PIK3C2G: variants seen among roughly 807,000 people sequenced by gnomAD.
PIK3C2G encodes phosphatidylinositol 3-kinase C2 domain-containing subunit gamma.
In PIK3C2G, 168 loss-of-function variants were observed where a neutral mutation model predicts 181.1. That is an observed-to-expected ratio of 0.93 (90% CI 0.82 to 1.05). PIK3C2G has a LOEUF of 1.05. Ranked by LOEUF, PIK3C2G falls within the 50% of genes least tolerant of loss-of-function variation. PIK3C2G has a pLI of 0.00. For missense variants in PIK3C2G, 1,869 were observed against 1,732.8 expected, an observed-to-expected ratio of 1.08 and a Z score of -1.40; for synonymous variants, 573 against 592.2, an observed-to-expected ratio of 0.97 and a Z score of 0.47.
At chr12:18,417,990 AG>A (rs1431085535) in intron 16 of PIK3C2G, among the ~76,000 whole-genome samples, 1 of 152,224 alleles carries the variant, frequency 6.6e-6, no homozygotes, top group Non-Finnish European at 1.5e-5. Context: ...AAAACACAGA[AG>A]GAAATAAAAT....
chr12:18,347,318 G>A (rs545219285), intron 11 of PIK3C2G, among the ~76,000 whole-genome samples: 56 of 152,154 alleles, frequency 3.7e-4, no homozygotes, highest in Non-Finnish European at 5.9e-4. Context: ...AATTATTTGC[G>A]TTTCAATAGA....
chr12:18,613,374 T>C (rs1948440497), intron 31 of PIK3C2G, among the ~76,000 whole-genome samples: 1 of 152,114 alleles, frequency 6.6e-6, no homozygotes, highest in Non-Finnish European at 1.5e-5. Context: ...AGGTGGTACC[T>C]TCAATCCTTT....
At chr12:18,315,099 G>C (rs1950803245) in intron 6 of PIK3C2G, among the ~76,000 whole-genome samples, 1 of 152,024 alleles carries the variant, frequency 6.6e-6, no homozygotes, top group Non-Finnish European at 1.5e-5. Context: ...CTCTCACCCT[G>C]TCATTTATAT....
intron 30 of PIK3C2G, among the ~76,000 whole-genome samples, chr12:18,595,816 A>C (rs1184181099): frequency 6.6e-6 from 1 of 152,130 alleles, no homozygotes. Flanking sequence ...TTTATTTTGC[A>C]CTGAGCCCCA....
chr12:18,636,958 T>C (rs2136768883), intron 31 of PIK3C2G, among the ~76,000 whole-genome samples: 1 of 152,200 alleles, frequency 6.6e-6, no homozygotes, highest in East Asian at 1.9e-4. Flanking sequence ...CTATTGCAAT[T>C]ATTCCTTCCA....
intron 31 of PIK3C2G, among the ~76,000 whole-genome samples, chr12:18,613,420 G>GA (rs1167357835): frequency 1.3e-5 from 2 of 152,086 alleles, no homozygotes; most frequent in African/African-American, 4.8e-5. Context: ...GTTTCTATAT[G>GA]AAAATTAACA....
chr12:18,524,245 C>G (rs1429448256), intron 24 of PIK3C2G, among the ~76,000 whole-genome samples: 1 of 152,200 alleles, frequency 6.6e-6, no homozygotes, highest in East Asian at 1.9e-4. Context: ...GGGAAATTAT[C>G]TGTGGATGAT....
At chr12:18,577,596 C>A (rs1411247939) in intron 29 of PIK3C2G, among the ~76,000 whole-genome samples, 1 of 152,084 alleles carries the variant, frequency 6.6e-6, no homozygotes, top group Non-Finnish European at 1.5e-5. Context: ...TAAAAATACT[C>A]CAAGTGAGAA....
chr12:18,540,343 T>G (rs1008588395), intron 25 of PIK3C2G, among the ~76,000 whole-genome samples: 1 of 151,888 alleles, frequency 6.6e-6, no homozygotes, highest in Non-Finnish European at 1.5e-5. Flanking sequence ...TCCAGATATT[T>G]CAAAAATAAA....
At chr12:18,322,358 G>A (rs1301944171) in intron 7 of PIK3C2G, among the ~76,000 whole-genome samples, 1 of 149,862 alleles carries the variant, frequency 6.7e-6, no homozygotes, top group Non-Finnish European at 1.5e-5. Flanking sequence ...CTCCAGCTTG[G>A]GTAACAGAGT....
chr12:18,357,025 A>G (rs967825946), intron 11 of PIK3C2G, among the ~76,000 whole-genome samples: 2 of 152,082 alleles, frequency 1.3e-5, no homozygotes, highest in African/African-American at 4.8e-5. Context: ...TGTCTGTATC[A>G]ATACCAAACT....
intron 18 of PIK3C2G, among the ~76,000 whole-genome samples, chr12:18,465,315 G>A (rs768707289): frequency 6.6e-6 from 1 of 151,824 alleles, no homozygotes; most frequent in Non-Finnish European, 1.5e-5. Flanking sequence ...ATTGGTGTTA[G>A]GTATCAGAGT....
intron 18 of PIK3C2G, among the ~76,000 whole-genome samples, chr12:18,461,099 G>T (rs1056759134): frequency 4.6e-5 from 7 of 151,750 alleles, no homozygotes; most frequent in African/African-American, 1.5e-4. Flanking sequence ...TAATCTGCGT[G>T]GTATTTTATA....
chr12:18,549,219 CT>C (rs1944600934), intron 26 of PIK3C2G, among the ~76,000 whole-genome samples: 1 of 151,934 alleles, frequency 6.6e-6, no homozygotes, highest in African/African-American at 2.4e-5. Flanking sequence ...TACATACTGT[CT>C]TGTATATCAG....
rs549140717 is a variant in PIK3C2G, at chr12:18,616,530, C to T, written c.4182+6901C>T. Among the ~76,000 whole-genome samples the T allele has an allele frequency of 5.3e-5, 8 of 152,054 alleles. 1 individual carries two copies. Among genetic ancestry groups the T allele is most frequent in the Non-Finnish European group, 1.2e-4 (8 of 67,972 alleles). On this transcript the variant is annotated intron_variant, in intron 31 of 32. Transcript: ENST00000538779. ...GTCTCACTTAAAAATAAAGTGAATT[C>T]TTGTTGAAGGCTTTTATTTTTAATG... is the stretch of plus-strand genomic sequence containing the variant.
At chr12:18,651,040 C>A (rs1703353951), downstream of PIK3C2G, among the ~76,000 whole-genome samples, 1 of 151,834 alleles carries the variant, frequency 6.6e-6, no homozygotes, top group African/African-American at 2.4e-5. Flanking sequence ...AAAGCCCAAG[C>A]CTTTAAAATA....
At chr12:18,269,349 A>G (rs527246360) in intron 1 of PIK3C2G, among the ~76,000 whole-genome samples, 23 of 152,162 alleles carry the variant, frequency 1.5e-4, no homozygotes, top group South Asian at 1.0e-3. Flanking sequence ...GGTGAAGAAC[A>G]TCCACATGTT....
chr12:18,393,054 C>T (rs1471831913), intron 15 of PIK3C2G, among the ~76,000 whole-genome samples: 2 of 152,052 alleles, frequency 1.3e-5, no homozygotes, highest in African/African-American at 2.4e-5. Flanking sequence ...CATATTTACA[C>T]TTAGAGGTTT....
At chr12:18,558,372 C>T (rs908339159) in intron 26 of PIK3C2G, among the ~76,000 whole-genome samples, 1 of 152,156 alleles carries the variant, frequency 6.6e-6, no homozygotes, top group Non-Finnish European at 1.5e-5. Flanking sequence ...ATTGTTCAGT[C>T]ATTCAACAAA....
Sources: gnomAD v4.1 joint callset for allele counts (sites outside exome capture counted in the v4.1 genomes callset) on GRCh38, gnomAD v4.1.1 for gene constraint, MANE v1.5 for transcripts, NCBI Gene and HGNC (gene_info 2026-07-23, HGNC 2026-07-21) for gene names.